ERBB4: variants seen among roughly 807,000 people sequenced by gnomAD.
ERBB4 encodes the protein erb-b2 receptor tyrosine kinase 4, also known as receptor tyrosine-protein kinase erbB-4.
In ERBB4, 42 loss-of-function variants were observed where a neutral mutation model predicts 158.0. The observed-to-expected ratio is 0.27, with a 90% CI of 0.21 to 0.34. The LOEUF (loss-of-function observed/expected upper bound fraction) is 0.34, where lower values mean the gene tolerates loss of function less well. Among genes scored for constraint, ERBB4 ranks in the 10% least tolerant of loss-of-function variants. The probability of loss-of-function intolerance (pLI) is 1.00; values close to 1 mark genes in which losing one functional copy is unlikely to be tolerated. For missense variants in ERBB4, 1,333 were observed against 1,624.1 expected (o/e 0.82, Z 3.08); for synonymous variants, 583 against 558.7 (o/e 1.04, Z -0.61).
rs567860773 is a variant in ERBB4 at position 211,405,546 on chromosome 2, G to A, written c.3135+14895C>T. On this transcript the variant is annotated intron_variant, in intron 25 of 27. Transcript: ENST00000342788. ...CTGGCTCACTCGTCTCTAATATTTG[G>A]ATGCCCATTATTCTAGAAAACTTCC... 4.2e-4 allele frequency among the ~76,000 whole-genome samples: 64 copies of A among 152,010 alleles called. No individual in the cohort carries two copies. In the South Asian group the frequency reaches 7.9e-3, roughly 19 times the overall value.
chr2:211,754,428 G>A (rs1435597237), intron 4 of ERBB4, among the ~76,000 whole-genome samples: 9 of 126,046 alleles, frequency 7.1e-5, no homozygotes, highest in Non-Finnish European at 1.2e-4. Context: ...TTGAGACAGA[G>A]TCTCGCTCTG....
intron 1 of ERBB4, among the ~76,000 whole-genome samples, chr2:212,451,043 G>T (rs765657349): frequency 6.6e-6 from 1 of 152,084 alleles, no homozygotes; most frequent in Non-Finnish European, 1.5e-5. Flanking sequence ...TTTTGTAAAG[G>T]TGATGACTAT....
intron 1 of ERBB4, among the ~76,000 whole-genome samples, chr2:212,440,820 T>C (rs2092238352): frequency 6.6e-6 from 1 of 152,186 alleles, no homozygotes; most frequent in East Asian, 1.9e-4. Flanking sequence ...TTTGACCATA[T>C]GTGGAGAACC....
intron 1 of ERBB4, among the ~76,000 whole-genome samples, chr2:212,260,714 A>T (rs2084910254): frequency 6.6e-6 from 1 of 151,954 alleles, no homozygotes; most frequent in African/African-American, 2.4e-5. Context: ...TCGGGAGGCT[A>T]ATCCAGGAGA....
At chr2:212,127,801 A>AG (rs2079988688) in intron 1 of ERBB4, among the ~76,000 whole-genome samples, 1 of 152,098 alleles carries the variant, frequency 6.6e-6, no homozygotes, top group Admixed American at 6.6e-5. Context: ...CAAAGGGTAG[A>AG]GCTATGTACC....
At chr2:211,501,864 A>C (rs1210453704) in intron 20 of ERBB4, among the ~76,000 whole-genome samples, 1 of 152,096 alleles carries the variant, frequency 6.6e-6, no homozygotes, top group Non-Finnish European at 1.5e-5. Flanking sequence ...TGCTGTTATA[A>C]AGCAATGCCT....
chr2:211,512,498 C>T (rs990622736), intron 20 of ERBB4, among the ~76,000 whole-genome samples: 2 of 150,962 alleles, frequency 1.3e-5, no homozygotes, highest in Admixed American at 6.6e-5. Context: ...AATATTCAGA[C>T]ATTTATATTA....
At chr2:211,837,955 A>G (rs981706274) in intron 3 of ERBB4, among the ~76,000 whole-genome samples, 8 of 152,038 alleles carry the variant, frequency 5.3e-5, no homozygotes, top group African/African-American at 1.9e-4. Context: ...TACAAAGCAC[A>G]TGGGAGGAGC....
chr2:211,384,508 T>C (rs1402277488), intron 27 of ERBB4, among the ~76,000 whole-genome samples: 1 of 152,136 alleles, frequency 6.6e-6, no homozygotes, highest in Non-Finnish European at 1.5e-5. Context: ...CCAAGATGAA[T>C]AGATGGAGTG....
chr2:211,411,216 G>A (rs527575921), intron 25 of ERBB4, among the ~76,000 whole-genome samples: 12 of 152,202 alleles, frequency 7.9e-5, no homozygotes, highest in Non-Finnish European at 1.5e-4. Context: ...CTAAGGTACC[G>A]TGTTAAATAC....
At chr2:212,470,797 A>T (rs1689079661) in intron 1 of ERBB4, among the ~76,000 whole-genome samples, 2 of 152,120 alleles carry the variant, frequency 1.3e-5, no homozygotes, top group Non-Finnish European at 2.9e-5. Context: ...ATTATGGATT[A>T]TCTCAATGTA....
chr2:211,685,486 T>A (rs1260946535), intron 12 of ERBB4, among the ~76,000 whole-genome samples: 5 of 152,212 alleles, frequency 3.3e-5, no homozygotes, highest in Non-Finnish European at 5.9e-5. Context: ...CTGTGTATTA[T>A]CCTCTACCAA....
intron 1 of ERBB4, among the ~76,000 whole-genome samples, chr2:212,209,978 T>A (rs2105924034): frequency 6.6e-6 from 1 of 152,086 alleles, no homozygotes; most frequent in East Asian, 1.9e-4. Flanking sequence ...ATTGTGGATA[T>A]GGAGATAGAA....
chr2:211,758,992 A>C (rs1174594337), intron 4 of ERBB4, among the ~76,000 whole-genome samples: 1 of 152,238 alleles, frequency 6.6e-6, no homozygotes, highest in Non-Finnish European at 1.5e-5. Context: ...ACTTGAAAAT[A>C]CACATGTTCA....
intron 1 of ERBB4, among the ~76,000 whole-genome samples, chr2:212,537,464 G>T (rs1693152891): frequency 6.6e-6 from 1 of 151,990 alleles, no homozygotes; most frequent in Non-Finnish European, 1.5e-5. Flanking sequence ...AGCCGTGGCG[G>T]GCCAGCCCCG....
At chr2:211,601,405 G>A (rs768093073) in intron 19 of ERBB4, among the ~76,000 whole-genome samples, 8 of 151,718 alleles carry the variant, frequency 5.3e-5, no homozygotes, top group Non-Finnish European at 1.0e-4. Context: ...GGGTGGGGAC[G>A]GGAATCCCCA....
At chr2:212,362,688 A>G (rs928883403) in intron 1 of ERBB4, among the ~76,000 whole-genome samples, 3 of 148,338 alleles carry the variant, frequency 2.0e-5, no homozygotes, top group Non-Finnish European at 3.0e-5. Context: ...AGCCAATGCC[A>G]GCACTATCTT....
chr2:211,544,388 C>T (rs570201167), intron 20 of ERBB4, among the ~76,000 whole-genome samples: 1 of 152,110 alleles, frequency 6.6e-6, no homozygotes, highest in East Asian at 1.9e-4. Context: ...GGCATGGGTA[C>T]CATCAATCTG....
intron 4 of ERBB4, chr2:211,779,337 C>T (rs913657715): frequency 1.3e-5 from 2 of 152,178 alleles, no homozygotes; most frequent in African/African-American, 4.8e-5. Context: ...TTACATGACA[C>T]ATATTATGTT....
Sources: allele counts gnomAD v4.1 joint callset (sites outside exome capture counted in the v4.1 genomes callset), GRCh38; gene constraint gnomAD v4.1.1; transcripts MANE v1.5; gene names NCBI Gene and HGNC (gene_info 2026-07-23, HGNC 2026-07-21).